DNAH5: variants seen among roughly 807,000 people sequenced by gnomAD.
DNAH5 encodes axonemal beta dynein heavy chain 5.
DNAH5 carries 372 observed loss-of-function variants against 518.2 expected under a neutral mutation model. The ratio of observed to expected loss-of-function variants is 0.72; its 90% CI spans 0.66 to 0.78. DNAH5 has a LOEUF of 0.78. Ranked by LOEUF, DNAH5 falls within the 30% of genes least tolerant of loss-of-function variation. The pLI, the probability that DNAH5 is intolerant of heterozygous loss-of-function variation, is 0.00. For missense variants in DNAH5, 5,523 were observed against 5,687.0 expected (o/e 0.97, Z 0.93); for synonymous variants, 2,039 against 2,025.9 (o/e 1.01, Z -0.17).
At chr5:13,900,935 T>C (rs1580807572) in intron 14 of DNAH5, among the ~76,000 whole-genome samples, 1 of 152,360 alleles carries the variant, frequency 6.6e-6, no homozygotes, top group East Asian at 1.9e-4. Context: ...TTTACTGACA[T>C]ATTTAGGATC....
At chr5:13,891,433 A>G (rs1275719683) in intron 16 of DNAH5, among the ~76,000 whole-genome samples, 1 of 152,118 alleles carries the variant, frequency 6.6e-6, no homozygotes, top group Non-Finnish European at 1.5e-5. Context: ...ACTTTTAGCC[A>G]ATTTCCTTTT....
intron 5 of DNAH5, 140 bp from the exon 6 acceptor site, chr5:13,920,757 A>G: frequency 1.2e-6 from 1 of 833,016 alleles, no homozygotes; most frequent in South Asian, 1.5e-5. Flanking sequence ...CTCCACTCCC[A>G]CGTGCCTTTG....
At chr5:13,995,631 TA>T (rs1010460885) in intron 1 of DNAH5, among the ~76,000 whole-genome samples, 28 of 151,264 alleles carry the variant, frequency 1.9e-4, no homozygotes, top group Admixed American at 3.9e-4. Flanking sequence ...AAATCCAGGT[TA>T]AAAAAAAAGT....
At chr5:13,929,335 G>C (rs1422138010) in intron 2 of DNAH5, among the ~76,000 whole-genome samples, 1 of 152,120 alleles carries the variant, frequency 6.6e-6, no homozygotes, top group East Asian at 1.9e-4. Flanking sequence ...GGGGCTGGAG[G>C]GAAGGAGGAC....
At chr5:13,959,812 A>G (rs1781035759) in intron 1 of DNAH5, among the ~76,000 whole-genome samples, 1 of 152,162 alleles carries the variant, frequency 6.6e-6, no homozygotes, top group African/African-American at 2.4e-5. Context: ...TACTAAAAAT[A>G]CAAAATTAGC....
At chr5:13,735,729 T>C in intron 67 of DNAH5, 89 bp downstream of exon 67, 1 of 1,030,302 alleles carries the variant, frequency 9.7e-7, no homozygotes, top group Non-Finnish European at 1.5e-6. Context: ...AGACTCTTAC[T>C]AACAAAGGAG....
chr5:13,799,436 T>C (rs6896205), intron 47 of DNAH5, among the ~76,000 whole-genome samples: 32 of 152,236 alleles, frequency 2.1e-4, no homozygotes, highest in African/African-American at 3.9e-4. Flanking sequence ...CACACACCTA[T>C]ATTTTCTTCC....
rs1740594236 is a variant in DNAH5 at position 13,690,469 on chromosome 5, C to T, written c.*1515G>A. ...CCAAAAGAAAGAACTCACAAGAAAA[C>T]AGTATCATCTAAGATGGTGGGAGTC... On this transcript the variant is annotated 3_prime_UTR_variant, in exon 79 of 79. Coordinates refer to ENST00000265104, the MANE Select transcript of DNAH5 (RefSeq NM_001369.3). 1 of 152,096 alleles carries T rather than the reference C, an allele frequency of 6.6e-6. No homozygotes were observed. Among genetic ancestry groups the T allele is most frequent in the Admixed American group, 6.5e-5 (1 of 15,270 alleles). The allele number at this position is 152,096 out of a possible 1,614,324, so 9.4% of individuals were successfully genotyped here. A position where few individuals can be genotyped will look rare whatever the true frequency, so the allele number is the denominator to read the frequency against.
intron 2 of DNAH5, 111 bp downstream of exon 2, chr5:13,930,999 T>G (rs2067618809): frequency 6.5e-7 from 1 of 1,528,008 alleles, no homozygotes; most frequent in Non-Finnish European, 9.1e-7. Context: ...CTGTCCACGT[T>G]AAGACAGGCA....
At chr5:13,912,346 T>C (rs949580739) in intron 11 of DNAH5, among the ~76,000 whole-genome samples, 26 of 152,068 alleles carry the variant, frequency 1.7e-4, no homozygotes, top group Admixed American at 4.6e-4. Context: ...TCAAGTTTAC[T>C]AGATAAAACA....
intron 6 of DNAH5, among the ~76,000 whole-genome samples, chr5:13,919,887 A>C (rs571645761): frequency 1.6e-4 from 25 of 152,356 alleles, no homozygotes; most frequent in Non-Finnish European, 2.6e-4. Context: ...TGAAATATAC[A>C]GTATACTGTT....
At chr5:13,883,190 G>A (rs1363585628) in intron 19 of DNAH5, 96 bp from the exon 20 acceptor site, 2 of 1,230,196 alleles carry the variant, frequency 1.6e-6, no homozygotes, top group South Asian at 2.5e-5. Flanking sequence ...TACATAATAG[G>A]TATAAAATCT....
At chr5:13,953,992 G>A (rs2152038931) in intron 1 of DNAH5, among the ~76,000 whole-genome samples, 1 of 152,284 alleles carries the variant, frequency 6.6e-6, no homozygotes, top group African/African-American at 2.4e-5. Flanking sequence ...ACAGGTATGA[G>A]CTGCCACGCC....
intron 22 of DNAH5, among the ~76,000 whole-genome samples, chr5:13,871,975 CCTAG>C (rs1437348600): frequency 6.6e-6 from 1 of 152,094 alleles, no homozygotes; most frequent in Non-Finnish European, 1.5e-5. Context: ...TGTTATCATC[CCTAG>C]CTAAATGGGA....
chr5:13,712,338 T>C (rs1743598482), intron 75 of DNAH5, among the ~76,000 whole-genome samples: 1 of 152,218 alleles, frequency 6.6e-6, no homozygotes, highest in Admixed American at 6.5e-5. Context: ...ATTAAGGACT[T>C]AAATCTAAGA....
intron 32 of DNAH5, among the ~76,000 whole-genome samples, chr5:13,842,508 A>AAGAAAGAAAAAG (rs1561408253): frequency 1.1e-5 from 1 of 87,718 alleles, no homozygotes; most frequent in African/African-American, 4.7e-5. Flanking sequence ...GAAAGAAAGA[A>AAGAAAGAAAAAG]AAAGAAAGAA....
In DNAH5 at chr5:13,825,485, TA is replaced by T. The variant is rs548724488; in HGVS notation, c.6445-1153del. Among the ~76,000 whole-genome samples the T allele has an allele frequency of 1.3e-3, 194 of 152,288 alleles. 1 individual carries two copies. In the Middle Eastern group the frequency reaches 0.017, roughly 13 times the overall value. ...AAATGTCCATTGACAGACGAATGGA[TA>T]AACAAAATGTGGTATATACATATAA... On this transcript the variant is annotated intron_variant, in intron 38 of 78. Transcript: ENST00000265104.
intron 15 of DNAH5, chr5:13,898,432 G>A: frequency 2.5e-6 from 1 of 397,638 alleles, no homozygotes; most frequent in Non-Finnish European, 4.4e-6. Context: ...GTCTAAAAGG[G>A]AATCTCAACA....
chr5:13,927,839 G>T (rs796069108), intron 3 of DNAH5, among the ~76,000 whole-genome samples: 11 of 152,116 alleles, frequency 7.2e-5, no homozygotes, highest in African/African-American at 2.4e-4. Flanking sequence ...AGGAATATGA[G>T]ACAACTCCAA....
Sources: allele counts gnomAD v4.1 joint callset (sites outside exome capture counted in the v4.1 genomes callset), GRCh38; gene constraint gnomAD v4.1.1; transcripts MANE v1.5; gene names NCBI Gene and HGNC (gene_info 2026-07-23, HGNC 2026-07-21).